The following DDX42 variants were observed in gnomAD, a reference collection of about 807,000 sequenced individuals.
DDX42 encodes the protein DEAD-box helicase 42.
DDX42 carries 22 observed loss-of-function variants against 101.5 expected under a neutral mutation model. That is an observed-to-expected ratio of 0.22 (90% CI 0.15 to 0.31). The LOEUF (loss-of-function observed/expected upper bound fraction) is 0.31. Ranked by LOEUF, DDX42 falls within the 10% of genes least tolerant of loss-of-function variation. DDX42 has a pLI of 1.00. For missense variants in DDX42, 849 were observed against 1,199.9 expected (o/e 0.71, Z 4.32); for synonymous variants, 402 against 401.2 (o/e 1.00, Z -0.02).
chr17:63,803,545 G>T (rs1225185167), intron 6 of DDX42, among the ~76,000 whole-genome samples: 2 of 134,408 alleles, frequency 1.5e-5, no homozygotes, highest in Non-Finnish European at 3.2e-5. Context: ...TCCAGCCTGG[G>T]AGACAGAGCA....
chr17:63,800,693 C>T, intron 6 of DDX42, 76 bp downstream of exon 6: 1 of 1,545,166 alleles, frequency 6.5e-7, no homozygotes, highest in Non-Finnish European at 8.8e-7. Flanking sequence ...TAGATTTTCT[C>T]AGTAGTGGAA....
chr17:63,792,815 A>G (rs1598329401), intron 3 of DDX42, among the ~76,000 whole-genome samples: 1 of 152,122 alleles, frequency 6.6e-6, no homozygotes, highest in Non-Finnish European at 1.5e-5. Flanking sequence ...GTGTGTATGT[A>G]TTTTATTTTA....
intron 7 of DDX42, chr17:63,805,876 A>ATTGGG (rs1555573648): frequency 1.3e-5 from 2 of 152,248 alleles, no homozygotes; most frequent in Non-Finnish European, 2.9e-5. Flanking sequence ...GACCCAAGAA[A>ATTGGG]AATTTTAAGT....
intron 3 of DDX42, among the ~76,000 whole-genome samples, chr17:63,794,682 T>C (rs2039671116): frequency 1.3e-5 from 2 of 151,238 alleles, no homozygotes; most frequent in African/African-American, 4.9e-5. Flanking sequence ...ACGGCTCACA[T>C]TTGTAATCCC....
At chr17:63,775,616 G>T (rs1200089026) in intron 1 of DDX42, among the ~76,000 whole-genome samples, 1 of 152,124 alleles carries the variant, frequency 6.6e-6, no homozygotes, top group Non-Finnish European at 1.5e-5. Context: ...CCAAGCTAGA[G>T]AATAACAAAC....
chr17:63,774,282 G>A lies in DDX42; in HGVS notation c.-111G>A, dbSNP rs992118952. 3 of 291,188 alleles carry A rather than the reference G, an allele frequency of 1.0e-5. No individual in the cohort carries two copies. Among genetic ancestry groups the A allele is most frequent in the Non-Finnish European group, 1.9e-5 (3 of 158,770 alleles). 18.0% of individuals were successfully genotyped at this position (291,188 alleles called of 1,614,324 possible). A position where few individuals can be genotyped will look rare whatever the true frequency, so the allele number is the denominator to read the frequency against. ...GCGAAGGGGGCGGAGAGGAAGGAGC[G>A]CGGCGGGACCGGGCCGGGACAGCGC... On this transcript the variant is annotated 5_prime_UTR_variant, in exon 1 of 18. Transcript: ENST00000389924.
At chr17:63,803,344 T>C (rs1002566627) in intron 6 of DDX42, among the ~76,000 whole-genome samples, 10 of 152,010 alleles carry the variant, frequency 6.6e-5, no homozygotes, top group African/African-American at 2.4e-4. Flanking sequence ...ATTCCAGCAC[T>C]TTGGGAGGCC....
At position 63,806,614 on chromosome 17, in the gene DDX42, G is replaced by A. The variant is rs201368041; in HGVS notation, c.806G>A (p.Arg269Gln). 1.5e-5 allele frequency: 24 copies of A among 1,613,106 alleles called. No individual in the cohort carries two copies. The highest frequency in any genetic ancestry group is 1.8e-5 in the Non-Finnish European group (21 of 1,179,716). The change falls in exon 8 of 18, where the codon CGG (arginine) becomes CAG (glutamine). Residue 269 changes from arginine to glutamine, a missense_variant. Transcript: ENST00000389924. Reference protein sequence around the residue: ...GFDEQLMHQIRKSEYTQPTPI... With the variant: ...GFDEQLMHQIQKSEYTQPTPI... ...GACGAACAACTTATGCACCAGATTCGGAAATCTGAATACACACAGCCCACT... is the reference window on the plus strand; with the variant it reads ...GACGAACAACTTATGCACCAGATTCAGAAATCTGAATACACACAGCCCACT...
At chr17:63,784,248 C>T (rs903947179) in intron 1 of DDX42, among the ~76,000 whole-genome samples, 1 of 152,086 alleles carries the variant, frequency 6.6e-6, no homozygotes, top group Non-Finnish European at 1.5e-5. Flanking sequence ...TCCACCCTGG[C>T]TTCAAAGCTA....
At chr17:63,804,361 T>C (rs2039812390) in intron 6 of DDX42, among the ~76,000 whole-genome samples, 1 of 152,298 alleles carries the variant, frequency 6.6e-6, no homozygotes, top group East Asian at 1.9e-4. Flanking sequence ...CCTACTACAC[T>C]AAGCTATGAA....
In DDX42 at chr17:63,787,097, T is replaced by C. The variant is rs185272713; in HGVS notation, c.48T>C (p.Phe16=). 3.0e-4 allele frequency: 488 copies of C among 1,614,220 alleles called. 3 individuals are homozygous for C. The highest frequency in any genetic ancestry group is 5.8e-5 in the Non-Finnish European group (69 of 1,180,040). Residue 16 remains phenylalanine, a synonymous_variant, in exon 2 of 18, where the codon TTT becomes TTC. Coordinates refer to ENST00000389924, the MANE Select transcript of DDX42 (RefSeq NM_203499.3). Reference sequence around the variant, plus strand: ...CTGGCACTAAGCGAGGATTTGGCTTTGGAGGTTTTGCCATCAGTGCTGGGA... The same window carrying C: ...CTGGCACTAAGCGAGGATTTGGCTTCGGAGGTTTTGCCATCAGTGCTGGGA... The part of the protein sequence containing the change: ...GGPGTKRGFG[F]GGFAISAGKK...
intron 6 of DDX42, among the ~76,000 whole-genome samples, chr17:63,803,647 GCTTTTTTTT>G (rs1201015861): frequency 3.4e-5 from 5 of 149,170 alleles, no homozygotes; most frequent in Non-Finnish European, 5.9e-5. Context: ...TTTTTCCTTT[GCTTTTTTTT>G]CTTTTTTTGA....
intron 8 of DDX42, among the ~76,000 whole-genome samples, chr17:63,807,257 C>T (rs886183806): frequency 1.3e-5 from 2 of 152,188 alleles, no homozygotes; most frequent in African/African-American, 2.4e-5. Context: ...TCTCCTGCCT[C>T]GGCCTCCCAA....
At chr17:63,775,022 C>T (rs1334166429) in intron 1 of DDX42, 1 of 152,630 alleles carries the variant, frequency 6.6e-6, no homozygotes, top group Non-Finnish European at 1.5e-5. Context: ...CTCCTATAGG[C>T]AGTTATCCAA....
At chr17:63,809,681 C>T (rs374465077) in intron 11 of DDX42, 22 bp downstream of exon 11, 2 of 1,583,546 alleles carry the variant, frequency 1.3e-6, no homozygotes, top group Non-Finnish European at 1.7e-6. Context: ...ATACCAGTTT[C>T]TTCTGTCCCC....
intron 16 of DDX42, 153 bp from the exon 17 acceptor site, chr17:63,816,715 C>G: frequency 2.1e-6 from 1 of 482,182 alleles, no homozygotes; most frequent in Non-Finnish European, 3.6e-6. Context: ...ATGATTGTCA[C>G]TGTGTCTTTT....
intron 3 of DDX42, among the ~76,000 whole-genome samples, chr17:63,793,020 C>T (rs1010203080): frequency 1.1e-4 from 17 of 152,214 alleles, no homozygotes; most frequent in African/African-American, 4.1e-4. Flanking sequence ...CTCCTTGAAA[C>T]TCTTCTCACT....
intron 6 of DDX42, among the ~76,000 whole-genome samples, chr17:63,800,924 CCTTT>C (rs1186659904): frequency 2.7e-4 from 7 of 26,000 alleles, no homozygotes; most frequent in Non-Finnish European, 4.2e-4. Context: ...TTCCTTCCTT[CCTTT>C]CTTTCTTTTC....
intron 5 of DDX42, 84 bp from the exon 6 acceptor site, chr17:63,800,384 T>C: frequency 7.4e-7 from 1 of 1,347,478 alleles, no homozygotes; most frequent in East Asian, 2.4e-5. Context: ...TGCAATTATC[T>C]GGTACACTAT....
Sources: allele counts gnomAD v4.1 joint callset (sites outside exome capture counted in the v4.1 genomes callset), GRCh38; gene constraint gnomAD v4.1.1; transcripts MANE v1.5; gene names NCBI Gene and HGNC (gene_info 2026-07-23, HGNC 2026-07-21).